Variants in TNS1 observed in about 807,000 individuals in gnomAD.
The protein encoded by TNS1 is tensin-1.
In TNS1, 62 loss-of-function variants were observed where a neutral mutation model predicts 168.6. The observed-to-expected ratio is 0.37, with a 90% confidence interval of 0.30 to 0.45. TNS1 has a LOEUF of 0.45. Among genes scored for constraint, TNS1 ranks in the 20% least tolerant of loss-of-function variants. The pLI, the probability that TNS1 is intolerant of heterozygous loss-of-function variation, is 1.00. For missense variants in TNS1, 2,240 were observed against 2,339.4 expected (o/e 0.96, Z 0.88); for synonymous variants, 934 against 933.2 (o/e 1.00, Z -0.02).
chr2:217,858,616 A>C, intron 18 of TNS1: 2 of 979,738 alleles, frequency 2.0e-6, no homozygotes, highest in East Asian at 1.2e-4. Context: ...TGTCCTACTC[A>C]AGCTCCCTCC....
intron 3 of TNS1, among the ~76,000 whole-genome samples, chr2:217,954,494 C>G (rs1957313286): frequency 2.0e-5 from 3 of 152,160 alleles, no homozygotes; most frequent in African/African-American, 4.8e-5. Flanking sequence ...GGTAACTAAG[C>G]AGGTACTGTG....
intron 3 of TNS1, among the ~76,000 whole-genome samples, chr2:217,974,824 C>T (rs557296272): frequency 6.6e-5 from 10 of 152,312 alleles, no homozygotes; most frequent in South Asian, 2.1e-4. Flanking sequence ...AACACACCCA[C>T]GGCCTCCTAG....
At chr2:217,815,228 G>C in intron 24 of TNS1, 1 of 528,410 alleles carries the variant, frequency 1.9e-6, no homozygotes. Flanking sequence ...ACACACAGGG[G>C]AGAGCACCAT....
At chr2:217,892,918 A>G (rs1951884311) in intron 11 of TNS1, 30 bp downstream of exon 11, 1 of 1,612,612 alleles carries the variant, frequency 6.2e-7, no homozygotes, top group African/African-American at 1.3e-5. Context: ...GTCGATGTTC[A>G]GAGGATGGGA....
rs774991200 is a variant in TNS1 at position 217,848,157 on chromosome 2, G to C, written c.2360C>G (p.Pro787Arg). The change falls in exon 19 of 33, where the codon CCA becomes CGA. Residue 787 changes from proline (P) to arginine (R), a missense_variant. Coordinates refer to ENST00000682258, the MANE Select transcript of TNS1 (RefSeq NM_001387777.1). ...GGCTCTTTCCTGCTGGCGTGGAGGT[G>C]GGCGAGGCTGCTGCTGCTGCTGCTG... is the stretch of plus-strand genomic sequence containing the variant. Reference protein sequence around the residue: ...QQQQQQQQPRPPPRQQERAHL... With the variant: ...QQQQQQQQPRRPPRQQERAHL... 1 of 1,602,380 alleles carries C rather than the reference G, an allele frequency of 6.2e-7. No homozygotes were observed. Among genetic ancestry groups the C allele is most frequent in the Non-Finnish European group, 8.5e-7 (1 of 1,174,506 alleles).
At position 218,033,007 on chromosome 2, in the gene TNS1, C is replaced by T. The variant is rs1250202152; in HGVS notation, c.156+813G>A. On this transcript the variant is annotated intron_variant, in intron 1 of 1. Coordinates refer to the TNS1 transcript ENST00000649572. This position sits in a 1 kb window ranked among gnomAD's most constrained non-coding sequence, Gnocchi z 4.3. ...CACAGCCCCACTCCCTGTCCCTGTC[C>T]CTGCCCACCTTTACCTGGCCCAACA... Among the ~76,000 whole-genome samples, 2 of 152,190 alleles carry T rather than the reference C, an allele frequency of 1.3e-5. No individual in the cohort carries two copies. Among genetic ancestry groups the T allele is most frequent in the Non-Finnish European group, 2.9e-5 (2 of 68,026 alleles).
At chr2:217,987,228 G>A (rs1022107948) in intron 2 of TNS1, among the ~76,000 whole-genome samples, 4 of 152,222 alleles carry the variant, frequency 2.6e-5, no homozygotes, top group African/African-American at 9.6e-5. Flanking sequence ...TCCCTAGCAT[G>A]AGGACCCATC....
intron 2 of TNS1, among the ~76,000 whole-genome samples, chr2:217,989,986 A>C (rs957999235): frequency 4.8e-5 from 7 of 146,342 alleles, no homozygotes; most frequent in Non-Finnish European, 1.1e-4. Context: ...CACCCTCAGC[A>C]CACATTATCC....
chr2:218,028,800 A>T (rs1958869983), intron 1 of TNS1, among the ~76,000 whole-genome samples: 2 of 152,178 alleles, frequency 1.3e-5, no homozygotes, highest in African/African-American at 4.8e-5. Flanking sequence ...TAAAAATCAG[A>T]GCTGGGACAG....
Position 218,033,542 on chromosome 2 carries a change from C to G in TNS1, c.156+278G>C, listed in dbSNP as rs1958918707. Among the ~76,000 whole-genome samples the G allele has an allele frequency of 6.6e-6, 1 of 152,154 alleles. No homozygotes were observed. Among genetic ancestry groups the G allele is most frequent in the African/African-American group, 2.4e-5 (1 of 41,440 alleles). Reference sequence around the variant, plus strand: ...TGCCCCTCCTGGGTGACTCCTAAACCAACCTCACCCAACCTATTTGCCCTT... The same window carrying G: ...TGCCCCTCCTGGGTGACTCCTAAACGAACCTCACCCAACCTATTTGCCCTT... On this transcript the variant is annotated intron_variant, in intron 1 of 1. Transcript: ENST00000649572. This position sits in a 1 kb window ranked among gnomAD's most constrained non-coding sequence, Gnocchi z 4.3.
chr2:217,843,661 A>G (rs898052290), intron 19 of TNS1, among the ~76,000 whole-genome samples: 1 of 152,166 alleles, frequency 6.6e-6, no homozygotes, highest in Non-Finnish European at 1.5e-5. Context: ...TGATCTCTTC[A>G]GGCTGACACT....
intron 6 of TNS1, chr2:217,903,688 A>C: frequency 4.7e-6 from 6 of 1,282,218 alleles, no homozygotes; most frequent in South Asian, 1.3e-5. Context: ...TACTTTTCTC[A>C]CTGTCAGGAA....
rs370962691 is a variant in TNS1, at chr2:217,853,769, G to C, written c.1430-4682C>G. 7.2e-5 allele frequency among the ~76,000 whole-genome samples: 11 copies of C among 152,278 alleles called. No individual in the cohort carries two copies. The East Asian group carries it at 1.9e-3, about 27-fold the overall frequency. On this transcript the variant is annotated intron_variant, in intron 18 of 32. Coordinates refer to ENST00000682258, the MANE Select transcript of TNS1 (RefSeq NM_001387777.1). Reference sequence around the variant, plus strand: ...CAGGGCAGCCATAATCCAGATGCACGAGTCATGCTTTTGGAAAGCTCTGAG... The same window carrying C: ...CAGGGCAGCCATAATCCAGATGCACCAGTCATGCTTTTGGAAAGCTCTGAG...
At chr2:217,809,159 G>A (rs1274526233) in intron 30 of TNS1, among the ~76,000 whole-genome samples, 1 of 152,122 alleles carries the variant, frequency 6.6e-6, no homozygotes, top group Non-Finnish European at 1.5e-5. Context: ...GATGAGGGAT[G>A]AATAAATGCA....
At position 217,799,978 on chromosome 2, in the gene TNS1, A is replaced by G. The variant is rs1937235054; in HGVS notation, c.*4481T>C. 6.6e-6 allele frequency: 1 copy of G among 152,182 alleles called. No homozygotes were observed. Among genetic ancestry groups the G allele is most frequent in the South Asian group, 2.1e-4 (1 of 4,820 alleles). 9.4% of individuals were successfully genotyped at this position (152,182 alleles called of 1,614,324 possible). A position where few individuals can be genotyped will look rare whatever the true frequency, so the allele number is the denominator to read the frequency against. On this transcript the variant is annotated 3_prime_UTR_variant, in exon 33 of 33. Transcript: ENST00000682258. ...GATACAAAATATAAAGTATATTTCC[A>G]TCTATATAAATACACAGCTGGGGTG...
chr2:217,994,270 A>G (rs1958429639), intron 1 of TNS1, among the ~76,000 whole-genome samples: 1 of 151,480 alleles, frequency 6.6e-6, no homozygotes, highest in Non-Finnish European at 1.5e-5. Flanking sequence ...GACTTGGGGG[A>G]CTTCCCTTAG....
At position 217,990,827 on chromosome 2, in the gene TNS1, G is replaced by A. The variant is rs116613930; in HGVS notation, c.148+115C>T. 641 of 395,126 alleles carry A rather than the reference G, an allele frequency of 1.6e-3. 4 individuals are homozygous for A. Among genetic ancestry groups the A allele is most frequent in the African/African-American group, 0.011 (558 of 49,094 alleles). The allele number at this position is 395,126 out of a possible 1,614,324, so 24.5% of individuals were successfully genotyped here. On this transcript the variant is annotated intron_variant, in intron 2 of 32. Transcript: ENST00000682258. ...ATCCTCCACCAGATGAGAACAAGGC[G>A]TCAGGTTGGGACCCCAAGGATGTGT...
In TNS1 at chr2:217,848,976, A is replaced by T. The variant is rs1368999137; in HGVS notation, c.1541T>A (p.Leu514Gln). The change falls in exon 19 of 33, where the codon CTG (leucine) becomes CAG (glutamine). Residue 514 changes from leucine to glutamine, a missense_variant. Coordinates refer to ENST00000682258, the MANE Select transcript of TNS1 (RefSeq NM_001387777.1). ...TTCCACGTGGTTGGGGGTGGCCGAC[A>T]GTGTAGGACGTGTGGCATTAACAGC... The part of the protein sequence containing the change: ...TGAVNATRPT[L>Q]SATPNHVEHT... 6.2e-7 allele frequency: 1 copy of T among 1,613,918 alleles called. No individual in the cohort carries two copies. Among genetic ancestry groups the T allele is most frequent in the East Asian group, 2.2e-5 (1 of 44,882 alleles).
At chr2:217,890,649 G>A (rs1951650037) in intron 12 of TNS1, 2 of 412,396 alleles carry the variant, frequency 4.8e-6, no homozygotes, top group South Asian at 5.8e-5. Context: ...CCAGGGCCAA[G>A]AACAGCACAT....
Sources: allele counts gnomAD v4.1 joint callset (sites outside exome capture counted in the v4.1 genomes callset), GRCh38; gene constraint gnomAD v4.1.1; non-coding constraint Gnocchi (gnomAD v3.1); transcripts MANE v1.5; gene names NCBI Gene and HGNC (gene_info 2026-07-23, HGNC 2026-07-21).